MYLK: variants seen among roughly 807,000 people sequenced by gnomAD.
MYLK encodes the protein myosin light chain kinase, also known as myosin light chain kinase, smooth muscle.
A neutral mutation model predicts 203.4 loss-of-function variants in MYLK; 106 were observed. The ratio of observed to expected loss-of-function variants is 0.52; its 90% CI spans 0.45 to 0.61. The LOEUF (loss-of-function observed/expected upper bound fraction) is 0.61, where lower values mean the gene tolerates loss of function less well. Ranked by LOEUF, MYLK falls within the 20% of genes least tolerant of loss-of-function variation. MYLK has a pLI of 0.00. For synonymous variants in MYLK, 867 were observed against 959.5 expected, an observed-to-expected ratio of 0.90 and a Z score of 1.78; for missense variants, 2,072 against 2,442.3, an observed-to-expected ratio of 0.85 and a Z score of 3.20.
chr3:123,742,597 C>T (rs959475911), intron 5 of MYLK, among the ~76,000 whole-genome samples: 1 of 152,118 alleles, frequency 6.6e-6, no homozygotes, highest in Non-Finnish European at 1.5e-5. Flanking sequence ...CTTCTAAACA[C>T]GCTCCATACA....
chr3:123,734,984 C>CT, intron 9 of MYLK: 1 of 318,486 alleles, frequency 3.1e-6, no homozygotes, highest in South Asian at 3.0e-5. Flanking sequence ...AAGCCCTCCT[C>CT]TACGCCCACC....
intron 17 of MYLK, among the ~76,000 whole-genome samples, 180 bp from the exon 18 acceptor site, chr3:123,701,185 T>C (rs2061200015): frequency 6.8e-6 from 1 of 147,744 alleles, no homozygotes; most frequent in South Asian, 2.1e-4. Context: ...CTCGCTTGCT[T>C]AGTTGGTTTA....
intron 23 of MYLK, among the ~76,000 whole-genome samples, chr3:123,662,412 G>A (rs1269404451): frequency 6.6e-6 from 1 of 152,136 alleles, no homozygotes; most frequent in East Asian, 1.9e-4. Flanking sequence ...AAAACTGCTT[G>A]AGAACTAAGT....
intron 3 of MYLK, among the ~76,000 whole-genome samples, chr3:123,828,159 C>A (rs889159857): frequency 2.6e-5 from 4 of 151,860 alleles, no homozygotes; most frequent in African/African-American, 9.7e-5. Context: ...GCAGTCCCGA[C>A]CAAAAATGAC....
At chr3:123,715,387 G>T (rs975737311) in intron 13 of MYLK, among the ~76,000 whole-genome samples, 1 of 152,186 alleles carries the variant, frequency 6.6e-6, no homozygotes, top group Non-Finnish European at 1.5e-5. Flanking sequence ...AAGTGAATTC[G>T]GAAGTGTCAA....
In MYLK at chr3:123,610,348, G is replaced by A. The variant is rs1330856153; in HGVS notation, c.*3757C>T. On this transcript the variant is annotated 3_prime_UTR_variant, in exon 34 of 34. Transcript: ENST00000360304. ...TAGTCTAGGTTATGTTGCAGCCACT[G>A]AGAACCCCAAAATCTTGGTGATTTA... 3 of 152,158 alleles carry A rather than the reference G, an allele frequency of 2.0e-5. No homozygotes were observed. The highest frequency in any genetic ancestry group is 7.2e-5 in the African/African-American group (3 of 41,432). The allele number at this position is 152,158 out of a possible 1,614,324, so 9.4% of individuals were successfully genotyped here.
At chr3:123,853,352 G>A (rs2148671315) in intron 2 of MYLK, among the ~76,000 whole-genome samples, 1 of 152,176 alleles carries the variant, frequency 6.6e-6, no homozygotes, top group South Asian at 2.1e-4. Context: ...TTATGGAAAA[G>A]GAAAGGCTTT....
chr3:123,802,706 C>G (rs2065236913), intron 3 of MYLK, among the ~76,000 whole-genome samples: 1 of 152,164 alleles, frequency 6.6e-6, no homozygotes, highest in Non-Finnish European at 1.5e-5. Flanking sequence ...TGCTGGAATT[C>G]TTGCTTTATT....
intron 2 of MYLK, among the ~76,000 whole-genome samples, chr3:123,834,756 G>A (rs183239323): frequency 6.6e-6 from 1 of 152,322 alleles, no homozygotes; most frequent in East Asian, 1.9e-4. Context: ...AGGGAAATGA[G>A]TAATTAGCAT....
rs556774562 is a variant in MYLK at position 123,695,522 on chromosome 3, A to G, written c.3449-2671T>C. On this transcript the variant is annotated intron_variant, in intron 18 of 33. Transcript: ENST00000360304. Reference sequence around the variant, plus strand: ...AAGAAAAGGTCACAAACAGTTAAATATAACTTACTATTGAAAAAGATAATA... The same window carrying G: ...AAGAAAAGGTCACAAACAGTTAAATGTAACTTACTATTGAAAAAGATAATA... Among the ~76,000 whole-genome samples the G allele has an allele frequency of 9.9e-5, 15 of 152,220 alleles. No homozygotes were observed. In the East Asian group the frequency reaches 2.5e-3, roughly 25 times the overall value.
At chr3:123,739,181 A>G in intron 6 of MYLK, 119 bp from the exon 7 acceptor site, 2 of 1,159,070 alleles carry the variant, frequency 1.7e-6, no homozygotes, top group Non-Finnish European at 2.5e-6. Context: ...TAGCCTTCCC[A>G]ATTTTATGCC....
At chr3:123,861,055 G>A (rs1249938824) in intron 2 of MYLK, among the ~76,000 whole-genome samples, 6 of 152,124 alleles carry the variant, frequency 3.9e-5, no homozygotes, top group South Asian at 2.1e-4. Flanking sequence ...GAGTGAACCC[G>A]GGAGGCGGAG....
At chr3:123,658,293 A>AGTG (rs2059454078) in intron 23 of MYLK, among the ~76,000 whole-genome samples, 1 of 152,352 alleles carries the variant, frequency 6.6e-6, no homozygotes, top group Middle Eastern at 3.4e-3. Flanking sequence ...ACAAATAAGA[A>AGTG]GTGGCCCTTT....
chr3:123,657,327 C>A lies in MYLK; in HGVS notation c.4087G>T (p.Val1363Leu). Residue 1363 changes from valine to leucine, a missense_variant, in exon 24 of 34, where the codon GTA (valine) becomes TTA (leucine). Val to Leu is a conservative substitution (Grantham distance 32, BLOSUM62 1). Coordinates refer to ENST00000360304, the MANE Select transcript of MYLK (RefSeq NM_053025.4). Reference sequence around the variant, plus strand: ...CAGATCTCGATGCTGTAGGACTGTACAGCACTGCCCCCATCATATGAGGAG... The same window carrying A: ...CAGATCTCGATGCTGTAGGACTGTAAAGCACTGCCCCCATCATATGAGGAG... ...YGSSYDGGSA[V>L]QSYSIEIWDS... 1.9e-6 allele frequency: 3 copies of A among 1,614,152 alleles called. No individual in the cohort carries two copies. The highest frequency in any genetic ancestry group is 1.1e-5 in the South Asian group (1 of 91,064).
intron 5 of MYLK, among the ~76,000 whole-genome samples, chr3:123,751,791 G>A (rs2063201342): frequency 6.6e-6 from 1 of 152,124 alleles, no homozygotes; most frequent in Non-Finnish European, 1.5e-5. Flanking sequence ...TCATAGGGCT[G>A]GGATGGTTGG....
chr3:123,628,989 T>TA (rs912558036), intron 30 of MYLK, among the ~76,000 whole-genome samples: 24 of 152,134 alleles, frequency 1.6e-4, no homozygotes, highest in East Asian at 5.8e-4. Context: ...AACTGAGATA[T>TA]AAAAAAACAC....
chr3:123,692,936 G>A (rs563991901), intron 18 of MYLK, 85 bp from the exon 19 acceptor site: 89 of 1,174,160 alleles, frequency 7.6e-5, no homozygotes, highest in Admixed American at 7.3e-4. Context: ...AGTGTTACTC[G>A]CACGGGCAGC....
intron 3 of MYLK, among the ~76,000 whole-genome samples, chr3:123,821,807 C>T (rs966571660): frequency 6.6e-6 from 1 of 152,168 alleles, no homozygotes; most frequent in Admixed American, 6.5e-5. Context: ...AAAACCCAAC[C>T]CTTTACCTAT....
chr3:123,734,007 C>G lies in MYLK; in HGVS notation c.989G>C (p.Arg330Thr). Reference protein sequence around the residue: ...SKLESCKDSPRTAPQTPVLQK... With the variant: ...SKLESCKDSPTTAPQTPVLQK... ...AAGGACCGGGGTCTGCGGGGCCGTT[C>G]TGGGCGAGTCCTTGCATGACTCCAG... Residue 330 changes from arginine (R) to threonine (T), a missense_variant, in exon 10 of 34, where the codon AGA becomes ACA. This residue lies in a region of MYLK where 683 missense variants were observed against 643.8 expected (regional missense o/e 1.06). Coordinates refer to ENST00000360304, the MANE Select transcript of MYLK (RefSeq NM_053025.4). 1.2e-6 allele frequency: 2 copies of G among 1,614,216 alleles called. No homozygotes were observed. Among genetic ancestry groups the G allele is most frequent in the Non-Finnish European group, 1.7e-6 (2 of 1,180,050 alleles).
Sources: allele counts gnomAD v4.1 joint callset (sites outside exome capture counted in the v4.1 genomes callset), GRCh38; gene constraint gnomAD v4.1.1; regional missense constraint gnomAD v4.1.1; transcripts MANE v1.5; gene names NCBI Gene and HGNC (gene_info 2026-07-23, HGNC 2026-07-21).